The following ALKBH8 variants were observed in gnomAD, a reference collection of about 807,000 sequenced individuals.
ALKBH8 encodes alkB homolog 8, tRNA methyltransferase.
A neutral mutation model predicts 59.8 loss-of-function variants in ALKBH8; 36 were observed. The ratio of observed to expected loss-of-function variants is 0.60; its 90% confidence interval spans 0.46 to 0.79. The LOEUF is 0.79. ALKBH8 is among the 30% of genes least tolerant of loss of function. The probability of loss-of-function intolerance (pLI) is 0.00; values close to 1 mark genes in which losing one functional copy is unlikely to be tolerated. For missense variants in ALKBH8, 768 were observed against 801.0 expected, an observed-to-expected ratio of 0.96 and a Z score of 0.50; for synonymous variants, 276 against 273.6, an observed-to-expected ratio of 1.01 and a Z score of -0.09.
intron 6 of ALKBH8, among the ~76,000 whole-genome samples, chr11:107,550,287 A>G (rs1327057390): frequency 6.6e-6 from 1 of 152,238 alleles, no homozygotes; most frequent in Non-Finnish European, 1.5e-5. Flanking sequence ...AGTAAAAGAA[A>G]TGTTGCTACA....
intron 6 of ALKBH8, among the ~76,000 whole-genome samples, chr11:107,551,413 G>T (rs1385744392): frequency 6.6e-6 from 1 of 152,148 alleles, no homozygotes; most frequent in Non-Finnish European, 1.5e-5. Flanking sequence ...TATTTGCTTG[G>T]CTGGGCGCGG....
At chr11:107,551,651 G>A (rs560138259) in intron 6 of ALKBH8, among the ~76,000 whole-genome samples, 157 bp downstream of exon 6, 187 of 147,712 alleles carry the variant, frequency 1.3e-3, no homozygotes, top group South Asian at 8.9e-3. Context: ...CCGAGACCAC[G>A]CCGTTGCACT....
intron 7 of ALKBH8, among the ~76,000 whole-genome samples, chr11:107,545,886 C>G (rs604395): frequency 6.6e-6 from 1 of 151,968 alleles, no homozygotes; most frequent in African/African-American, 2.4e-5. Context: ...CATTAAACAT[C>G]TGAAAATCTG....
intron 1 of ALKBH8, chr11:107,563,531 A>ATTAT (rs1365789974): frequency 3.4e-5 from 2 of 58,678 alleles, no homozygotes; most frequent in Non-Finnish European, 7.5e-5. Flanking sequence ...TTTATTTATT[A>ATTAT]TTATTTATTT....
chr11:107,505,617 G>A (rs1238133653), intron 11 of ALKBH8, among the ~76,000 whole-genome samples: 3 of 152,170 alleles, frequency 2.0e-5, no homozygotes, highest in African/African-American at 7.2e-5. Flanking sequence ...TAGCCTTGAC[G>A]AAGTTGTTTG....
intron 7 of ALKBH8, among the ~76,000 whole-genome samples, chr11:107,542,353 C>A (rs1051741314): frequency 6.6e-6 from 1 of 152,050 alleles, no homozygotes; most frequent in Non-Finnish European, 1.5e-5. Context: ...TCAAATGTAA[C>A]AAGAGCAATA....
At chr11:107,563,999 C>A (rs568156157) in intron 1 of ALKBH8, among the ~76,000 whole-genome samples, 30 of 152,270 alleles carry the variant, frequency 2.0e-4, no homozygotes, top group African/African-American at 7.0e-4. Flanking sequence ...TAGGCTGATA[C>A]CAGCTGCTGA....
At chr11:107,561,001 G>A (rs1487703999) in intron 1 of ALKBH8, 102 bp from the exon 2 acceptor site, 5 of 1,117,102 alleles carry the variant, frequency 4.5e-6, no homozygotes, top group South Asian at 2.0e-5. Flanking sequence ...ATATTTCTGT[G>A]ACAATTTTTT....
At chr11:107,530,604 C>CAA (rs1363231900) in intron 8 of ALKBH8, among the ~76,000 whole-genome samples, 137 of 9,654 alleles carry the variant, frequency 0.014, no homozygotes, top group South Asian at 0.12. Flanking sequence ...CTTCCTAACA[C>CAA]ACACACACAC....
intron 8 of ALKBH8, among the ~76,000 whole-genome samples, chr11:107,531,844 G>T (rs1835494383): frequency 6.6e-6 from 1 of 152,142 alleles, no homozygotes; most frequent in South Asian, 2.1e-4. Flanking sequence ...TAGCTCAAGA[G>T]CTGTACAAAA....
intron 7 of ALKBH8, among the ~76,000 whole-genome samples, chr11:107,537,242 A>T (rs1385402831): frequency 2.0e-5 from 3 of 152,246 alleles, no homozygotes; most frequent in Admixed American, 2.0e-4. Flanking sequence ...ATGAATGTAC[A>T]AGTACAAAAT....
chr11:107,535,221 G>A (rs574448310), intron 7 of ALKBH8, among the ~76,000 whole-genome samples: 1 of 152,280 alleles, frequency 6.6e-6, no homozygotes, highest in Admixed American at 6.5e-5. Flanking sequence ...AAGCGTGTGT[G>A]CAATTATCTT....
intron 11 of ALKBH8, among the ~76,000 whole-genome samples, chr11:107,509,963 G>A (rs190458276): frequency 3.9e-5 from 6 of 152,300 alleles, no homozygotes; most frequent in Admixed American, 3.3e-4. Flanking sequence ...TCTTCCAAAT[G>A]AAGCGGATTT....
rs770291426 is a variant in ALKBH8 at position 107,532,326 on chromosome 11, T to C, written c.852A>G (p.Gly284=). The change falls in exon 8 of 12, where the codon GGA becomes GGG. Residue 284 remains glycine (G), a synonymous_variant. Transcript: ENST00000428149. ...CATGGGTCCAAAGGTATCTAGATTCTCCTGTCATCACCAGCAAACTCCGAC... is the reference window on the plus strand; with the variant it reads ...CATGGGTCCAAAGGTATCTAGATTCCCCTGTCATCACCAGCAAACTCCGAC... The part of the protein sequence containing the change: ...LPRRSLLVMT[G]ESRYLWTHGI... The C allele has an allele frequency of 1.2e-6, 2 of 1,613,510 alleles. No homozygotes were observed. The highest frequency in any genetic ancestry group is 4.5e-5 in the East Asian group (2 of 44,838).
At chr11:107,529,963 A>C (rs566538738) in intron 8 of ALKBH8, among the ~76,000 whole-genome samples, 2 of 152,280 alleles carry the variant, frequency 1.3e-5, no homozygotes, top group African/African-American at 4.8e-5. Flanking sequence ...GGAACTAGAG[A>C]AGTAGGCCCC....
chr11:107,548,326 T>C (rs1169119625), intron 7 of ALKBH8, among the ~76,000 whole-genome samples: 2 of 152,230 alleles, frequency 1.3e-5, no homozygotes, highest in Non-Finnish European at 2.9e-5. Context: ...GGTGAAGTAT[T>C]AACAAGTTCA....
intron 1 of ALKBH8, among the ~76,000 whole-genome samples, chr11:107,564,803 C>T (rs1022364633): frequency 2.6e-5 from 4 of 152,156 alleles, no homozygotes; most frequent in Non-Finnish European, 5.9e-5. Context: ...ACACTCACTC[C>T]ATGAAGTAGA....
At chr11:107,560,948 G>C in intron 1 of ALKBH8, 49 bp from the exon 2 acceptor site, 2 of 1,493,110 alleles carry the variant, frequency 1.3e-6, no homozygotes, top group Non-Finnish European at 1.8e-6. Context: ...AGTCCTGAAG[G>C]AACAATTATA....
At chr11:107,505,666 T>G (rs1417410723) in intron 11 of ALKBH8, among the ~76,000 whole-genome samples, 1 of 152,164 alleles carries the variant, frequency 6.6e-6, no homozygotes, top group African/African-American at 2.4e-5. Context: ...AAAGGCTGGG[T>G]GAAATACATA....
Sources: gnomAD v4.1 joint callset for allele counts (sites outside exome capture counted in the v4.1 genomes callset) on GRCh38, gnomAD v4.1.1 for gene constraint, MANE v1.5 for transcripts, NCBI Gene and HGNC (gene_info 2026-07-23, HGNC 2026-07-21) for gene names.